IRS1: variants seen among roughly 807,000 people sequenced by gnomAD.
IRS1 encodes the protein insulin receptor substrate 1.
Under a neutral mutation model 65.6 loss-of-function variants are expected in IRS1, and 34 were observed. The observed-to-expected ratio is 0.52, with a 90% CI of 0.39 to 0.69. The LOEUF (loss-of-function observed/expected upper bound fraction) is 0.69, where lower values mean the gene tolerates loss of function less well. Ranked by LOEUF, IRS1 falls within the 30% of genes least tolerant of loss-of-function variation. The pLI is 0.00. For missense variants in IRS1, 1,641 were observed against 1,720.2 expected, an observed-to-expected ratio of 0.95 and a Z score of 0.81; for synonymous variants, 699 against 683.5, an observed-to-expected ratio of 1.02 and a Z score of -0.35.
intron 1 of IRS1, among the ~76,000 whole-genome samples, chr2:226,780,361 C>T (rs1939357834): frequency 6.6e-6 from 1 of 152,138 alleles, no homozygotes; most frequent in African/African-American, 2.4e-5. Flanking sequence ...CATTGTACTC[C>T]AGCCTGGGCA....
chr2:226,785,430 C>G (rs926134695), intron 1 of IRS1, among the ~76,000 whole-genome samples: 2 of 151,940 alleles, frequency 1.3e-5, no homozygotes, highest in African/African-American at 2.4e-5. Flanking sequence ...TGGTGAAACC[C>G]TGTCTCTACT....
At chr2:226,771,192 C>T (rs1055183462) in intron 1 of IRS1, among the ~76,000 whole-genome samples, 4 of 152,204 alleles carry the variant, frequency 2.6e-5, no homozygotes, top group Admixed American at 6.5e-5. Flanking sequence ...ATTCTTGGTC[C>T]TGACTGTGTT....
At chr2:226,751,800 CA>C (rs1938690349) in intron 1 of IRS1, among the ~76,000 whole-genome samples, 1 of 152,044 alleles carries the variant, frequency 6.6e-6, no homozygotes. Context: ...GTGATAGAAC[CA>C]AAAAGAAACA....
intron 1 of IRS1, among the ~76,000 whole-genome samples, chr2:226,757,383 G>A (rs563956296): frequency 2.6e-5 from 4 of 152,222 alleles, no homozygotes; most frequent in East Asian, 1.9e-4. Flanking sequence ...GGGAGGCTGA[G>A]GTGGGCAGAT....
In IRS1 at chr2:226,796,678, G is replaced by C; in HGVS notation, c.2061C>G (p.Asn687Lys). ...GGPSSSSSSS[N>K]AVPSGTSYGK... ...CATAGCTGGTCCCGGAAGGGACGGC[G>C]TTGCTGCTGCTGCTGCTGCTGCTGG... The change falls in exon 1 of 2, where the codon AAC becomes AAG. Residue 687 changes from asparagine to lysine, a missense_variant. Physicochemically the swap from Asn to Lys is moderately conservative, Grantham distance 94. Coordinates refer to ENST00000305123, the MANE Select transcript of IRS1 (RefSeq NM_005544.3). 1 of 1,613,812 alleles carries C rather than the reference G, an allele frequency of 6.2e-7. No homozygotes were observed. The highest frequency in any genetic ancestry group is 8.5e-7 in the Non-Finnish European group (1 of 1,179,872).
chr2:226,746,360 G>A (rs1423138887), intron 1 of IRS1, among the ~76,000 whole-genome samples: 1 of 152,136 alleles, frequency 6.6e-6, no homozygotes, highest in Non-Finnish European at 1.5e-5. Flanking sequence ...TCATCTGAAG[G>A]AACTGAACAG....
intron 1 of IRS1, among the ~76,000 whole-genome samples, chr2:226,741,829 A>AAC (rs377613482): frequency 6.0e-4 from 74 of 122,678 alleles, no homozygotes; most frequent in African/African-American, 2.0e-3. Flanking sequence ...ACACACACAT[A>AAC]ACACACACAC....
In IRS1 at chr2:226,796,629, C is replaced by T. The variant is rs774455090; in HGVS notation, c.2110G>A (p.Gly704Arg). ...GGCAAGACATGAGAGTGGTGGCCCC[C>T]TACCCCGTTTGTCCACAGCTTTCCA... ...SYGKLWTNGVGGHHSHVLPHP... is the reference protein window; with the variant it reads ...SYGKLWTNGVRGHHSHVLPHP... The change falls in exon 1 of 2, where the codon GGG (glycine) becomes AGG (arginine). Residue 704 changes from glycine (G) to arginine (R), a missense_variant. Physicochemically the swap from Gly to Arg is moderately radical, Grantham distance 125 (BLOSUM62 -2). Transcript: ENST00000305123. The T allele has an allele frequency of 2.5e-6, 4 of 1,613,834 alleles. No individual in the cohort carries two copies. The highest frequency in any genetic ancestry group is 1.6e-4 in the Middle Eastern group (1 of 6,084).
chr2:226,781,208 G>T (rs1939374872), intron 1 of IRS1, among the ~76,000 whole-genome samples: 1 of 152,134 alleles, frequency 6.6e-6, no homozygotes, highest in Non-Finnish European at 1.5e-5. Context: ...GCATTTAAAG[G>T]CATTGATTTT....
At chr2:226,743,087 G>A (rs1938470987) in intron 1 of IRS1, among the ~76,000 whole-genome samples, 1 of 151,046 alleles carries the variant, frequency 6.6e-6, no homozygotes, top group Non-Finnish European at 1.5e-5. Context: ...AAATCAAAAT[G>A]TTTCCAATCT....
At position 226,795,863 on chromosome 2, in the gene IRS1, C is replaced by G; in HGVS notation, c.2876G>C (p.Gly959Ala). 1 of 1,613,648 alleles carries G rather than the reference C, an allele frequency of 6.2e-7. No homozygotes were observed. The change falls in exon 1 of 2, where the codon GGG becomes GCG. Residue 959 changes from glycine to alanine, a missense_variant. Transcript: ENST00000305123. ...GRRAAWQESTGVEMGRLGPAP... is the reference protein window; with the variant it reads ...GRRAAWQESTAVEMGRLGPAP... ...AGGGCCCAGTCTGCCCATCTCGACCCCAGTGCTCTCCTGCCAGGCTGCCCT... is the reference window on the plus strand; with the variant it reads ...AGGGCCCAGTCTGCCCATCTCGACCGCAGTGCTCTCCTGCCAGGCTGCCCT...
chr2:226,790,351 G>A lies in IRS1; in HGVS notation c.*21+4638C>T, dbSNP rs572812283. Among the ~76,000 whole-genome samples the A allele has an allele frequency of 7.9e-5, 12 of 151,810 alleles. No individual in the cohort carries two copies. The South Asian group carries it at 1.2e-3, about 16-fold the overall frequency. ...TGTGATTTAAAAAAAAAAAAAAGGTGGCATGCCCTTTGGATCCCAAGTCTC... is the reference window on the plus strand; with the variant it reads ...TGTGATTTAAAAAAAAAAAAAAGGTAGCATGCCCTTTGGATCCCAAGTCTC... On this transcript the variant is annotated intron_variant, in intron 1 of 1. Coordinates refer to ENST00000305123, the MANE Select transcript of IRS1 (RefSeq NM_005544.3).
At chr2:226,770,497 T>TAGACCTATTCCC (rs1939141328) in intron 1 of IRS1, among the ~76,000 whole-genome samples, 1 of 152,246 alleles carries the variant, frequency 6.6e-6, no homozygotes, top group South Asian at 2.1e-4. Flanking sequence ...GTCTTATTCC[T>TAGACCTATTCCC]AGCCCTATTC....
chr2:226,757,004 A>G (rs1938818227), intron 1 of IRS1, among the ~76,000 whole-genome samples: 2 of 151,052 alleles, frequency 1.3e-5, no homozygotes, highest in Admixed American at 1.3e-4. Flanking sequence ...TAAATAAATA[A>G]AATACAATGG....
rs768932529 is a variant in IRS1, at chr2:226,797,469, C to A, written c.1270G>T (p.Gly424Cys). 2 of 1,613,504 alleles carry A rather than the reference C, an allele frequency of 1.2e-6. No homozygotes were observed. The highest frequency in any genetic ancestry group is 2.7e-5 in the African/African-American group (2 of 74,912). The change falls in exon 1 of 2, where the codon GGT becomes TGT. Residue 424 changes from glycine (G) to cysteine (C), a missense_variant. Physicochemically the swap from Gly to Cys is radical, Grantham distance 159 (BLOSUM62 -3). Coordinates refer to ENST00000305123, the MANE Select transcript of IRS1 (RefSeq NM_005544.3). This position sits in a 1 kb window ranked among gnomAD's most constrained non-coding sequence, Gnocchi z 8.1. ...ASVSGSPSDG[G>C]FISSDEYGSS... ...CCATACTCATCCGAGGAGATGAAAC[C>A]GCCATCGCTGGGGGAACCAGACACC... is the stretch of plus-strand genomic sequence containing the variant.
intron 1 of IRS1, among the ~76,000 whole-genome samples, chr2:226,784,426 T>A (rs1283935482): frequency 6.6e-6 from 1 of 152,030 alleles, no homozygotes; most frequent in Non-Finnish European, 1.5e-5. Context: ...ATTTTTATTT[T>A]ATTTTTTATT....
At chr2:226,758,282 G>T (rs1052579582) in intron 1 of IRS1, among the ~76,000 whole-genome samples, 5 of 152,094 alleles carry the variant, frequency 3.3e-5, no homozygotes, top group African/African-American at 1.2e-4. Context: ...TGAAGAATGA[G>T]ACAAAAATAA....
intron 1 of IRS1, among the ~76,000 whole-genome samples, chr2:226,759,312 T>C (rs968165173): frequency 6.6e-6 from 1 of 152,232 alleles, no homozygotes; most frequent in Admixed American, 6.5e-5. Flanking sequence ...GAGAAAATGT[T>C]TACAGAGGTT....
chr2:226,787,180 AAAGCAAAGAT>A (rs1939503718), intron 1 of IRS1, among the ~76,000 whole-genome samples: 1 of 152,132 alleles, frequency 6.6e-6, no homozygotes, highest in Non-Finnish European at 1.5e-5. Context: ...CTAAAGATCC[AAAGCAAAGAT>A]ATCTTTTTTC....
Sources: allele counts gnomAD v4.1 joint callset (sites outside exome capture counted in the v4.1 genomes callset), GRCh38; gene constraint gnomAD v4.1.1; non-coding constraint Gnocchi (gnomAD v3.1); transcripts MANE v1.5; gene names NCBI Gene and HGNC (gene_info 2026-07-23, HGNC 2026-07-21).